The following AREL1 variants were observed in gnomAD, a reference collection of about 807,000 sequenced individuals.
The protein encoded by AREL1 is apoptosis resistant E3 ubiquitin protein ligase 1.
In AREL1, 62 loss-of-function variants were observed where a neutral mutation model predicts 99.0. The ratio of observed to expected loss-of-function variants is 0.63; its 90% CI spans 0.51 to 0.77. The LOEUF is 0.77. AREL1 is among the 30% of genes least tolerant of loss of function. The pLI is 0.00. For synonymous variants in AREL1, 380 were observed against 376.5 expected, an observed-to-expected ratio of 1.01 and a Z score of -0.11; for missense variants, 879 against 1,027.6, an observed-to-expected ratio of 0.86 and a Z score of 1.98.
chr14:74,663,808 C>T lies in AREL1; in HGVS notation c.2384G>A (p.Cys795Tyr), dbSNP rs2089141617. The change falls in exon 20 of 20, where the codon TGC becomes TAC. Residue 795 changes from cysteine (C) to tyrosine (Y), a missense_variant. Coordinates refer to ENST00000356357, the MANE Select transcript of AREL1 (RefSeq NM_001039479.2). ...TTCATAGGAGTCATATGTAGGGAGGCACAGCTGGTTAAAACTGGAAGGGCA... is the reference window on the plus strand; with the variant it reads ...TTCATAGGAGTCATATGTAGGGAGGTACAGCTGGTTAAAACTGGAAGGGCA... ...PTAHTCFNQL[C>Y]LPTYDSYEEV... 6.2e-7 allele frequency: 1 copy of T among 1,614,150 alleles called. No individual in the cohort carries two copies. The highest frequency in any genetic ancestry group is 8.5e-7 in the Non-Finnish European group (1 of 1,180,022).
chr14:74,669,023 G>A (rs1199775410), intron 15 of AREL1, among the ~76,000 whole-genome samples: 2 of 151,904 alleles, frequency 1.3e-5, no homozygotes, highest in Non-Finnish European at 2.9e-5. Context: ...CACTACCCCA[G>A]TAGCTAGGAC....
Position 74,669,667 on chromosome 14 carries a change from TTTA to T in AREL1, c.1893_1895del (p.Asn631del). The stretch of plus-strand genomic sequence containing the variant: ...TTCTCACCTTATCCAATTGACCTGA[TTTA>T]TTATATTTCTCTTCTGCAAAGACCA... On this transcript the variant is annotated inframe_deletion, in exon 15 of 20. Transcript: ENST00000356357. The T allele has an allele frequency of 6.2e-7, 1 of 1,614,086 alleles. No homozygotes were observed. The highest frequency in any genetic ancestry group is 1.1e-5 in the South Asian group (1 of 91,078).
intron 9 of AREL1, among the ~76,000 whole-genome samples, 191 bp downstream of exon 9, chr14:74,673,843 G>A (rs559591141): frequency 4.6e-5 from 7 of 152,298 alleles, no homozygotes; most frequent in South Asian, 2.1e-4. Context: ...GTAGGCATGC[G>A]TCCTTCCAGA....
intron 5 of AREL1, among the ~76,000 whole-genome samples, chr14:74,679,124 T>C (rs1305163485): frequency 1.3e-5 from 2 of 152,220 alleles, no homozygotes; most frequent in Non-Finnish European, 2.9e-5. Flanking sequence ...GGTCTTGAAC[T>C]CCTGGGCTCA....
chr14:74,687,142 T>A (rs772511504), intron 2 of AREL1, among the ~76,000 whole-genome samples: 1 of 152,200 alleles, frequency 6.6e-6, no homozygotes, highest in Non-Finnish European at 1.5e-5. Context: ...TGACCCTAGA[T>A]GTGAAATTTC....
intron 1 of AREL1, among the ~76,000 whole-genome samples, 155 bp from the exon 2 acceptor site, chr14:74,692,483 A>G (rs2089903301): frequency 6.6e-6 from 1 of 152,210 alleles, no homozygotes; most frequent in Non-Finnish European, 1.5e-5. Context: ...AGCATTCTCA[A>G]TTAAAACTCC....
At chr14:74,663,871 G>C in intron 19 of AREL1, 28 bp downstream of exon 19, 2 of 1,614,162 alleles carry the variant, frequency 1.2e-6, no homozygotes, top group Non-Finnish European at 1.7e-6. Flanking sequence ...AAAAACACTG[G>C]GCATGCATCA....
chr14:74,685,574 TAG>T (rs752874958), intron 3 of AREL1, 24 bp downstream of exon 3: 1 of 1,613,638 alleles, frequency 6.2e-7, no homozygotes, highest in South Asian at 1.1e-5. Flanking sequence ...AAAAATATAA[TAG>T]AGAGAGCTCT....
Position 74,676,205 on chromosome 14 carries a change from A to G in AREL1, c.768T>C (p.His256=). The part of the protein sequence containing the change: ...RLTLHSRGCF[H]ACISYQNQPI... The stretch of plus-strand genomic sequence containing the variant: ...GCTGATTTTGGTATGAAATGCAAGC[A>G]TGGAAGCAGCCTCGAGAATGCAGGG... Residue 256 remains histidine, a synonymous_variant, in exon 7 of 20, where the codon CAT becomes CAC. Transcript: ENST00000356357. 6.2e-7 allele frequency: 1 copy of G among 1,614,174 alleles called. No individual in the cohort carries two copies. Among genetic ancestry groups the G allele is most frequent in the Non-Finnish European group, 8.5e-7 (1 of 1,180,036 alleles).
At chr14:74,695,147 C>A (rs1471630965) in intron 1 of AREL1, among the ~76,000 whole-genome samples, 1 of 149,186 alleles carries the variant, frequency 6.7e-6, no homozygotes, top group East Asian at 2.0e-4. Context: ...TCTTGGCTCA[C>A]TGCCTCACTA....
chr14:74,707,080 C>T (rs749959757), intron 1 of AREL1, among the ~76,000 whole-genome samples: 18 of 152,182 alleles, frequency 1.2e-4, no homozygotes, highest in African/African-American at 1.7e-4. Context: ...AAATTATACA[C>T]GATCTGGTCG....
At position 74,684,550 on chromosome 14, in the gene AREL1, G is replaced by A. The variant is rs1389146234; in HGVS notation, c.147C>T (p.Tyr49=). 16 of 1,614,032 alleles carry A rather than the reference G, an allele frequency of 9.9e-6. No individual in the cohort carries two copies. Among genetic ancestry groups the A allele is most frequent in the African/African-American group, 2.7e-5 (2 of 74,900 alleles). The change falls in exon 4 of 20, where the codon TAC becomes TAT. Residue 49 remains tyrosine (Y), a synonymous_variant. Transcript: ENST00000356357. ...GGGGATCCAGGTAATTTCCCCGCAC[G>A]TAGTCATAAATAGTCCGGTCCCCTC... ...ERRGDRTIYD[Y]VRGNYLDPRS...
chr14:74,664,448 CTTTTTT>C (rs56728679), intron 18 of AREL1, among the ~76,000 whole-genome samples: 1 of 76,896 alleles, frequency 1.3e-5, no homozygotes, highest in African/African-American at 4.9e-5. Context: ...CTTTTCCTTT[CTTTTTT>C]TTTTTTTTTT....
intron 13 of AREL1, 133 bp downstream of exon 13, chr14:74,670,629 A>G (rs777366195): frequency 2.8e-6 from 2 of 704,316 alleles, no homozygotes; most frequent in Non-Finnish European, 4.7e-6. Context: ...TGATTAGCTT[A>G]TATTTTAAGC....
At chr14:74,689,943 T>C (rs2089838824) in intron 2 of AREL1, among the ~76,000 whole-genome samples, 1 of 151,494 alleles carries the variant, frequency 6.6e-6, no homozygotes, top group African/African-American at 2.4e-5. Flanking sequence ...AGAGTGGTAA[T>C]GAGTAGTCTT....
In AREL1 at chr14:74,663,932, G is replaced by A. The variant is rs371610162; in HGVS notation, c.2336C>T (p.Pro779Leu). 1.5e-5 allele frequency: 25 copies of A among 1,614,086 alleles called. No individual in the cohort carries two copies. The highest frequency in any genetic ancestry group is 1.2e-4 in the African/African-American group (9 of 74,928). Residue 779 changes from proline (P) to leucine (L), a missense_variant, in exon 19 of 20, where the codon CCG becomes CTG. By Grantham distance (98) the Pro-to-Leu change is moderately conservative (BLOSUM62 -3). Coordinates refer to ENST00000356357, the MANE Select transcript of AREL1 (RefSeq NM_001039479.2). ...TGCAGTAGGCAGCGTGCTATGGGTC[G>A]GAGCGGCAATAATCTGAAATGAGGG... is the stretch of plus-strand genomic sequence containing the variant. ...LCPSFQIIAA[P>L]THSTLPTAHT... is the part of the protein sequence containing the mutation.
intron 1 of AREL1, among the ~76,000 whole-genome samples, chr14:74,697,690 A>T (rs2090002980): frequency 6.6e-6 from 1 of 152,202 alleles, no homozygotes; most frequent in Non-Finnish European, 1.5e-5. Flanking sequence ...GTCTTCTGTG[A>T]ACTCTCTCCA....
intron 9 of AREL1, 48 bp from the exon 10 acceptor site, chr14:74,673,266 G>A (rs2089398087): frequency 1.3e-6 from 2 of 1,599,334 alleles, no homozygotes. Context: ...CTCAAGGCCA[G>A]TAAAAGTCCT....
intron 1 of AREL1, among the ~76,000 whole-genome samples, chr14:74,705,318 C>T (rs865843782): frequency 6.6e-6 from 1 of 152,160 alleles, no homozygotes; most frequent in East Asian, 1.9e-4. Flanking sequence ...GGATTACAGG[C>T]GTGAGCCACC....
Sources: allele counts gnomAD v4.1 joint callset (sites outside exome capture counted in the v4.1 genomes callset), GRCh38; gene constraint gnomAD v4.1.1; transcripts MANE v1.5; gene names NCBI Gene and HGNC (gene_info 2026-07-23, HGNC 2026-07-21).